Variants in ASMT observed in about 807,000 individuals in gnomAD.
ASMT encodes the protein acetylserotonin O-methyltransferase, also known as acetylserotonin N-methyltransferase.
Under a neutral mutation model 41.3 loss-of-function variants are expected in ASMT, and 53 were observed. The ratio of observed to expected loss-of-function variants is 1.28; its 90% CI spans 1.03 to 1.61. ASMT has a LOEUF of 1.61. ASMT is among the 40% of genes most tolerant of loss of function. The pLI is 0.00. For synonymous variants in ASMT, 231 were observed against 184.8 expected (o/e 1.25, Z -2.03); for missense variants, 531 against 441.3 (o/e 1.20, Z -1.82).
chrX:1,625,512 AAGAGAG>A (rs1190849599), intron 3 of ASMT, among the ~76,000 whole-genome samples: 1 of 128,556 alleles, frequency 7.8e-6, no homozygotes, highest in Admixed American at 8.9e-5. Flanking sequence ...AGGAAACAGA[AAGAGAG>A]AGAGAGGGGA....
chrX:1,631,696 C>A (rs1470481978), intron 5 of ASMT, among the ~76,000 whole-genome samples: 1 of 151,920 alleles, frequency 6.6e-6, no homozygotes, highest in Admixed American at 6.6e-5. Context: ...GGGTGGATCT[C>A]CTGAGGTCAG....
intron 3 of ASMT, among the ~76,000 whole-genome samples, chrX:1,625,649 C>G (rs1382725015): frequency 6.6e-6 from 1 of 151,058 alleles, no homozygotes; most frequent in Non-Finnish European, 1.5e-5. Context: ...AAGACCTGGA[C>G]TCAATAGAAA....
At chrX:1,628,492 G>A (rs1276075387) in intron 4 of ASMT, among the ~76,000 whole-genome samples, 5 of 152,126 alleles carry the variant, frequency 3.3e-5, no homozygotes, top group African/African-American at 1.2e-4. Context: ...TGATGGGCCC[G>A]TCCAGTGTTC....
chrX:1,623,092 T>G (rs760083098), intron 1 of ASMT, 47 bp from the exon 2 acceptor site: 1 of 1,608,592 alleles, frequency 6.2e-7, no homozygotes, highest in Non-Finnish European at 8.5e-7. Flanking sequence ...AGACTGTGGT[T>G]CCCAGGAGGC....
chrX:1,628,946 CTTTCTTTCCT>C (rs1307239307), intron 4 of ASMT, among the ~76,000 whole-genome samples: 98 of 144,120 alleles, frequency 6.8e-4, no homozygotes, highest in African/African-American at 9.5e-4. Context: ...CTCTCTCTTT[CTTTCTTTCCT>C]TCTTTCTTTC....
At chrX:1,627,240 C>T (rs1353924729) in intron 3 of ASMT, among the ~76,000 whole-genome samples, 17 of 147,934 alleles carry the variant, frequency 1.1e-4, no homozygotes, top group South Asian at 4.3e-4. Context: ...GTAGGAAAAT[C>T]GCTTGAACCC....
chrX:1,635,331 T>C (rs1307000394), intron 7 of ASMT, among the ~76,000 whole-genome samples: 1 of 151,958 alleles, frequency 6.6e-6, no homozygotes, highest in South Asian at 2.1e-4. Context: ...TCTCCCAAGA[T>C]TGGCACCTTA....
At chrX:1,624,559 G>C (rs113708509) in intron 3 of ASMT, 161 bp downstream of exon 3, 5 of 862,576 alleles carry the variant, frequency 5.8e-6, no homozygotes, top group Admixed American at 1.5e-4. Flanking sequence ...GGGAGGTGGG[G>C]GCTGCACCCA....
intron 5 of ASMT, among the ~76,000 whole-genome samples, chrX:1,630,846 C>G (rs1326564185): frequency 6.6e-6 from 1 of 151,760 alleles, no homozygotes; most frequent in Non-Finnish European, 1.5e-5. Context: ...GCGCCCGCCA[C>G]CACACCCAGG....
chrX:1,617,580 C>T (rs1934182214), intron 1 of ASMT, among the ~76,000 whole-genome samples: 1 of 151,922 alleles, frequency 6.6e-6, no homozygotes, highest in African/African-American at 2.4e-5. Flanking sequence ...TGTGGTTTCT[C>T]TCCGTCAGCA....
At chrX:1,627,664 GAAATGAA>G in intron 3 of ASMT, 32 bp from the exon 4 acceptor site, 1 of 1,264,512 alleles carries the variant, frequency 7.9e-7, no homozygotes, top group South Asian at 1.2e-5. Flanking sequence ...GAAATGAAAT[GAAATGAA>G]ATGAAAATCA....
chrX:1,636,887 GGTTCATGAGGATGTGGGCACA>G (rs1934987690), intron 8 of ASMT, among the ~76,000 whole-genome samples: 4 of 152,002 alleles, frequency 2.6e-5, no homozygotes, highest in Admixed American at 2.0e-4. Context: ...CCATCCTGAT[GGTTCATGAGGATGTGGGCACA>G]GCCTCTGTGT....
chrX:1,622,434 G>A (rs1163864291), intron 1 of ASMT, among the ~76,000 whole-genome samples: 1 of 151,076 alleles, frequency 6.6e-6, no homozygotes, highest in Non-Finnish European at 1.5e-5. Context: ...GGGATTACAG[G>A]CATGAGCCAC....
chrX:1,627,805 A>G (rs1236566919), intron 4 of ASMT, 34 bp downstream of exon 4: 1 of 1,593,894 alleles, frequency 6.3e-7, no homozygotes, highest in South Asian at 1.1e-5. Flanking sequence ...AACAACTCAG[A>G]TAAGATTCTG....
intron 7 of ASMT, among the ~76,000 whole-genome samples, chrX:1,633,623 G>GCGC (rs1934856031): frequency 6.7e-6 from 1 of 149,020 alleles, no homozygotes; most frequent in Non-Finnish European, 1.5e-5. Flanking sequence ...TTACAGGCAT[G>GCGC]CGCCACCACA....
At position 1,636,473 on chromosome X, in the gene ASMT, C is replaced by A. The variant is rs781312675; in HGVS notation, c.823C>A (p.Leu275Met). The change falls in exon 8 of 9, where the codon CTG becomes ATG. Residue 275 changes from leucine (L) to methionine (M), a missense_variant. By Grantham distance (15) the Leu-to-Met change is conservative. Transcript: ENST00000381241. ...FFKDPLPEADLYILARVLHDW... is the reference protein window; with the variant it reads ...FFKDPLPEADMYILARVLHDW... ...CAAAGACCCTCTTCCGGAAGCTGAT[C>A]TGTACATCCTGGCCAGGGTCCTCCA... 6.2e-7 allele frequency: 1 copy of A among 1,613,942 alleles called. No homozygotes were observed. Among genetic ancestry groups the A allele is most frequent in the Admixed American group, 1.7e-5 (1 of 59,992 alleles).
intron 1 of ASMT, among the ~76,000 whole-genome samples, chrX:1,616,078 G>C (rs375015320): frequency 5.9e-5 from 9 of 151,580 alleles, no homozygotes; most frequent in Non-Finnish European, 8.8e-5. Flanking sequence ...ACCCAGGCTG[G>C]AGTGCAGTGG....
chrX:1,626,258 A>C (rs73620115), intron 3 of ASMT, among the ~76,000 whole-genome samples: 5,896 of 137,288 alleles, frequency 0.043, 403 homozygotes, highest in African/African-American at 0.15. Flanking sequence ...TTTTTGAGAC[A>C]GAGTTTTGTT....
intron 1 of ASMT, among the ~76,000 whole-genome samples, chrX:1,615,705 G>A (rs1309206203): frequency 6.6e-6 from 1 of 151,974 alleles, no homozygotes; most frequent in Non-Finnish European, 1.5e-5. Flanking sequence ...GGGAGGCTGA[G>A]GCAGGAGAAT....
Sources: allele counts gnomAD v4.1 joint callset (sites outside exome capture counted in the v4.1 genomes callset), GRCh38; gene constraint gnomAD v4.1.1; transcripts MANE v1.5; gene names NCBI Gene and HGNC (gene_info 2026-07-23, HGNC 2026-07-21).